TPO: variants seen among roughly 807,000 people sequenced by gnomAD.
The protein encoded by TPO is thyroid peroxidase.
In TPO, 78 loss-of-function variants were observed where a neutral mutation model predicts 96.9. The ratio of observed to expected loss-of-function variants is 0.81; its 90% confidence interval spans 0.67 to 0.97. The LOEUF is 0.97. Among genes scored for constraint, TPO ranks in the 50% least tolerant of loss-of-function variants. TPO has a pLI of 0.00. For missense variants in TPO, 1,252 were observed against 1,274.8 expected, an observed-to-expected ratio of 0.98 and a Z score of 0.27; for synonymous variants, 547 against 538.0, an observed-to-expected ratio of 1.02 and a Z score of -0.23.
chr2:1,485,117 A>G (rs1031914687), intron 9 of TPO, among the ~76,000 whole-genome samples: 1 of 140,458 alleles, frequency 7.1e-6, no homozygotes, highest in African/African-American at 2.7e-5. Context: ...ATGTGTTCTC[A>G]TTGTTCAATT....
upstream of TPO, among the ~76,000 whole-genome samples, chr2:1,411,452 A>G (rs547189387): frequency 6.6e-6 from 1 of 152,274 alleles, no homozygotes; most frequent in Admixed American, 6.5e-5. Context: ...TGATGAAAAG[A>G]GCATCCAGTC....
chr2:1,409,061 A>G (rs1425184412), upstream of TPO, among the ~76,000 whole-genome samples: 3 of 152,160 alleles, frequency 2.0e-5, no homozygotes, highest in East Asian at 3.9e-4. Context: ...CCCAGAGTCC[A>G]TGAGAGGAGC....
At position 1,487,770 on chromosome 2, in the gene TPO, C is replaced by T. The variant is rs755478545; in HGVS notation, c.1598-51C>T. 1.9e-6 allele frequency: 3 copies of T among 1,609,838 alleles called. No individual in the cohort carries two copies. In the South Asian group the frequency reaches 3.3e-5, roughly 18 times the overall value. ...AAAAAAAATTGAGATATTGTTGTTTCTCTAGAACTGAGCCAAGAGCTGTCC... is the reference window on the plus strand; with the variant it reads ...AAAAAAAATTGAGATATTGTTGTTTTTCTAGAACTGAGCCAAGAGCTGTCC... On this transcript the variant is annotated intron_variant, in intron 9 of 16. Transcript: ENST00000329066.
At chr2:1,489,335 T>G (rs191438917) in intron 10 of TPO, among the ~76,000 whole-genome samples, 1 of 152,162 alleles carries the variant, frequency 6.6e-6, no homozygotes, top group African/African-American at 2.4e-5. Context: ...ACACCTTGCC[T>G]CTGGCTGGGA....
At chr2:1,396,916 C>T (rs1344057553) in intron 1 of TPO, among the ~76,000 whole-genome samples, 2 of 152,178 alleles carry the variant, frequency 1.3e-5, no homozygotes, top group African/African-American at 4.8e-5. Context: ...AGGAGTAAGT[C>T]ATAGAACTTG....
intron 14 of TPO, among the ~76,000 whole-genome samples, chr2:1,514,303 A>G (rs935393751): frequency 6.6e-5 from 10 of 152,242 alleles, no homozygotes; most frequent in Admixed American, 6.5e-4. Context: ...ACAGATTCCA[A>G]TGCTGATCCC....
At chr2:1,396,393 C>A (rs112815518) in intron 1 of TPO, among the ~76,000 whole-genome samples, 98 of 152,342 alleles carry the variant, frequency 6.4e-4, no homozygotes, top group African/African-American at 2.2e-3. Context: ...CTGAGATTGG[C>A]AGAAGTATAG....
At chr2:1,436,926 A>G (rs1045395516) in intron 5 of TPO, among the ~76,000 whole-genome samples, 1 of 151,142 alleles carries the variant, frequency 6.6e-6, no homozygotes, top group African/African-American at 2.4e-5. Context: ...CTCCTTCTCA[A>G]CTCCTCCCTC....
rs1463924579 is a variant in TPO at position 1,423,093 on chromosome 2, G to A, written c.143G>A (p.Arg48His). The A allele has an allele frequency of 1.2e-6, 2 of 1,613,984 alleles. No individual in the cohort carries two copies. Among genetic ancestry groups the A allele is most frequent in the Admixed American group, 1.7e-5 (1 of 60,012 alleles). ...TCTAGCGTCTTGGAGGAAAGCAAGCGCCTGGTGGACACCGCCATGTACGCC... is the reference window on the plus strand; with the variant it reads ...TCTAGCGTCTTGGAGGAAAGCAAGCACCTGGTGGACACCGCCATGTACGCC... ...RVSSVLEESK[R>H]LVDTAMYATM... The change falls in exon 3 of 17, where the codon CGC becomes CAC. Residue 48 changes from arginine to histidine, a missense_variant. Transcript: ENST00000329066.
rs116025576 is a variant in TPO, at chr2:1,403,458, C to T, written n.180+29056C>T. Among the ~76,000 whole-genome samples the T allele has an allele frequency of 4.3e-3, 652 of 152,352 alleles. 3 individuals are homozygous for T. Among genetic ancestry groups the T allele is most frequent in the African/African-American group, 0.015 (624 of 41,570 alleles). The stretch of plus-strand genomic sequence containing the variant: ...CAGCTGTGAGGACACAGTGGGGCCA[C>T]AGCACAGCCCTCCTCAGCAGTGGTA... On this transcript the variant is annotated intron_variant and non_coding_transcript_variant, in intron 1 of 5. Transcript: ENST00000497517.
intron 5 of TPO, among the ~76,000 whole-genome samples, chr2:1,446,906 T>G (rs1335309240): frequency 6.6e-6 from 1 of 152,248 alleles, no homozygotes; most frequent in Non-Finnish European, 1.5e-5. Context: ...GAAAATGTTA[T>G]TGTTTTACAT....
intron 14 of TPO, among the ~76,000 whole-genome samples, chr2:1,515,495 A>G (rs1047731862): frequency 6.6e-6 from 1 of 151,786 alleles, no homozygotes; most frequent in South Asian, 2.1e-4. Context: ...TTGGAGAAAC[A>G]GTCAGGATGC....
chr2:1,475,471 A>T (rs181766285), intron 7 of TPO, among the ~76,000 whole-genome samples: 2,833 of 151,158 alleles, frequency 0.019, 96 homozygotes, highest in African/African-American at 0.066. Flanking sequence ...TCACCCAGGC[A>T]GGAGTACAGT....
Position 1,494,038 on chromosome 2 carries a change from T to G in TPO, c.2005T>G (p.Trp669Gly), listed in dbSNP as rs1391953296. Residue 669 changes from tryptophan (W) to glycine (G), a missense_variant and splice_region_variant, in exon 11 of 17, where the codon TGG becomes GGG. Transcript: ENST00000329066. ...GATGAAGGCTCTGCGGGACGGTGAC[T>G]GGTACGTTCCTATCCAGAGCGTCTT... The part of the protein sequence containing the change: ...KQMKALRDGD[W>G]FWWENSHVFT... 5 of 1,613,586 alleles carry G rather than the reference T, an allele frequency of 3.1e-6. No homozygotes were observed. In the Admixed American group the frequency reaches 6.7e-5, roughly 22 times the overall value.
intron 7 of TPO, among the ~76,000 whole-genome samples, chr2:1,460,124 T>C (rs897191086): frequency 2.6e-5 from 4 of 152,118 alleles, no homozygotes; most frequent in South Asian, 2.1e-4. Context: ...TTAATAGAGA[T>C]GGGGTTTCAT....
chr2:1,403,966 C>A (rs924137443), intron 1 of TPO, among the ~76,000 whole-genome samples: 46 of 152,238 alleles, frequency 3.0e-4, no homozygotes, highest in Non-Finnish European at 1.6e-4. Flanking sequence ...ACTGCATTAA[C>A]CAGCCTGCAC....
At chr2:1,525,226 A>C (rs1676163346) in intron 15 of TPO, among the ~76,000 whole-genome samples, 3 of 103,556 alleles carry the variant, frequency 2.9e-5, no homozygotes, top group Admixed American at 2.2e-4. Flanking sequence ...AAATCCCCTC[A>C]CTGTGTGCAA....
intron 1 of TPO, among the ~76,000 whole-genome samples, chr2:1,377,002 G>C (rs1287672814): frequency 6.6e-6 from 1 of 152,172 alleles, no homozygotes; most frequent in Non-Finnish European, 1.5e-5. Flanking sequence ...AGATAATATG[G>C]AATTTGGCTA....
At chr2:1,416,750 T>A (rs1312747370) in intron 2 of TPO, among the ~76,000 whole-genome samples, 1 of 152,242 alleles carries the variant, frequency 6.6e-6, no homozygotes, top group Admixed American at 6.5e-5. Context: ...CAGCCTTTAA[T>A]AGTTGTTTTG....
Sources: allele counts gnomAD v4.1 joint callset (sites outside exome capture counted in the v4.1 genomes callset), GRCh38; gene constraint gnomAD v4.1.1; transcripts MANE v1.5; gene names NCBI Gene and HGNC (gene_info 2026-07-23, HGNC 2026-07-21).